Variants in YES1 observed in about 807,000 individuals in gnomAD.
YES1 encodes tyrosine-protein kinase Yes.
YES1 carries 39 observed loss-of-function variants against 70.4 expected under a neutral mutation model. That is an observed-to-expected ratio of 0.55 (90% CI 0.43 to 0.72). The LOEUF is 0.72. Among genes scored for constraint, YES1 ranks in the 30% least tolerant of loss-of-function variants. The pLI is 0.00. For missense variants in YES1, 495 were observed against 644.8 expected (o/e 0.77, Z 2.52); for synonymous variants, 198 against 218.6 (o/e 0.91, Z 0.83).
Position 751,777 on chromosome 18 carries a change from T to G in YES1, c.299A>C (p.Tyr100Ser), listed in dbSNP as rs746473585. Residue 100 changes from tyrosine (Y) to serine (S), a missense_variant, in exon 3 of 12, where the codon TAT becomes TCT. By Grantham distance (144) the Tyr-to-Ser change is moderately radical. Around this residue, in one of 2 missense-constraint regions of YES1, gnomAD observed 385 missense variants for 540.9 expected, o/e 0.71. Coordinates refer to ENST00000314574, the MANE Select transcript of YES1 (RefSeq NM_005433.4). ...TGGVTIFVAL[Y>S]DYEARTTEDL... ...TTCTGTAGTTCTAGCTTCATAATCATATAAGGCCACAAATATAGTAACACC... is the reference window on the plus strand; with the variant it reads ...TTCTGTAGTTCTAGCTTCATAATCAGATAAGGCCACAAATATAGTAACACC... 2 of 1,605,018 alleles carry G rather than the reference T, an allele frequency of 1.2e-6. No individual in the cohort carries two copies. Among genetic ancestry groups the G allele is most frequent in the Admixed American group, 3.3e-5 (2 of 59,806 alleles).
chr18:726,373 T>A (rs1261187711), intron 11 of YES1, among the ~76,000 whole-genome samples: 12 of 144,204 alleles, frequency 8.3e-5, no homozygotes, highest in Middle Eastern at 4.4e-3. Context: ...TGCAGTGAGC[T>A]GAGATCGCAC....
chr18:799,766 T>C (rs534460466), intron 1 of YES1, among the ~76,000 whole-genome samples: 1 of 152,162 alleles, frequency 6.6e-6, no homozygotes, highest in East Asian at 1.9e-4. Context: ...CTGGGCATGG[T>C]GGCATACACC....
rs531122724 is a variant in YES1 at position 767,682 on chromosome 18, T to C, written c.-8-10847A>G. ...TTTACTGTGTCTTGAAATTATATAATATAAAGCCTCCAGTTTTTTCATTTT... is the reference window on the plus strand; with the variant it reads ...TTTACTGTGTCTTGAAATTATATAACATAAAGCCTCCAGTTTTTTCATTTT... On this transcript the variant is annotated intron_variant, in intron 1 of 11. Coordinates refer to ENST00000314574, the MANE Select transcript of YES1 (RefSeq NM_005433.4). Among the ~76,000 whole-genome samples the C allele has an allele frequency of 3.3e-5, 5 of 152,230 alleles. No homozygotes were observed. In the East Asian group the frequency reaches 9.7e-4, roughly 29 times the overall value.
At chr18:781,556 T>C (rs1279305758) in intron 1 of YES1, among the ~76,000 whole-genome samples, 1 of 152,182 alleles carries the variant, frequency 6.6e-6, no homozygotes, top group East Asian at 1.9e-4. Context: ...TCTATCCTTC[T>C]CTGAGCTACA....
intron 1 of YES1, among the ~76,000 whole-genome samples, chr18:762,467 C>A (rs997410239): frequency 6.6e-6 from 1 of 152,094 alleles, no homozygotes; most frequent in African/African-American, 2.4e-5. Context: ...CAAACCTGCA[C>A]GTGCACCCCT....
At chr18:796,667 A>G (rs1004852037) in intron 1 of YES1, among the ~76,000 whole-genome samples, 1 of 152,280 alleles carries the variant, frequency 6.6e-6, no homozygotes, top group African/African-American at 2.4e-5. Context: ...CTGAGGCAGG[A>G]GAATCACTTG....
rs75634798 is a variant in YES1, at chr18:734,029, A to C, written c.1292-1064T>G. Among the ~76,000 whole-genome samples the C allele has an allele frequency of 2.0e-4, 30 of 152,312 alleles. No homozygotes were observed. In the East Asian group the frequency reaches 5.4e-3, roughly 27 times the overall value. ...CACAGTGGCTCACGCCTATAATCCC[A>C]GCAATTTGAGAGGCCGAGGTGGGCA... On this transcript the variant is annotated intron_variant, in intron 10 of 11. Transcript: ENST00000314574.
intron 1 of YES1, among the ~76,000 whole-genome samples, chr18:761,324 T>G (rs1263038654): frequency 6.6e-6 from 1 of 151,932 alleles, no homozygotes; most frequent in Non-Finnish European, 1.5e-5. Context: ...ATCCAAAGTC[T>G]AAATATCAAG....
intron 1 of YES1, among the ~76,000 whole-genome samples, chr18:803,672 G>A (rs79416929): frequency 0.057 from 8,645 of 152,154 alleles, 337 homozygotes; most frequent in East Asian, 0.12. Context: ...CTCCTAACAG[G>A]GAACTCAAAA....
In YES1 at chr18:759,714, T is replaced by C. The variant is rs144072971; in HGVS notation, c.-8-2879A>G. On this transcript the variant is annotated intron_variant, in intron 1 of 11. Coordinates refer to ENST00000314574, the MANE Select transcript of YES1 (RefSeq NM_005433.4). ...GAGACAATTTATTTATTTCTTTTTT[T>C]CTTTTATTATTATTATACTCTAAGG... Among the ~76,000 whole-genome samples, 660 of 152,278 alleles carry C rather than the reference T, an allele frequency of 4.3e-3. 3 individuals carry two copies. Among genetic ancestry groups the C allele is most frequent in the African/African-American group, 0.015 (616 of 41,544 alleles).
chr18:779,355 G>A (rs13313625), intron 1 of YES1, among the ~76,000 whole-genome samples: 33 of 148,802 alleles, frequency 2.2e-4, no homozygotes, highest in African/African-American at 8.2e-4. Flanking sequence ...GGTAAGTTAT[G>A]ATCGCACCAC....
chr18:797,562 T>C (rs548583422), intron 1 of YES1, among the ~76,000 whole-genome samples: 13 of 152,328 alleles, frequency 8.5e-5, no homozygotes, highest in African/African-American at 3.1e-4. Context: ...AAAGTACCAC[T>C]GACAATGACC....
intron 1 of YES1, among the ~76,000 whole-genome samples, chr18:762,645 A>G (rs540243914): frequency 3.3e-4 from 51 of 152,314 alleles, no homozygotes; most frequent in Non-Finnish European, 6.6e-4. Context: ...AAAAAACTAT[A>G]TACTGGGTAC....
At chr18:788,834 G>A (rs1298084575) in intron 1 of YES1, among the ~76,000 whole-genome samples, 1 of 152,166 alleles carries the variant, frequency 6.6e-6, no homozygotes, top group African/African-American at 2.4e-5. Context: ...GCTGAGGCAG[G>A]AGAATCACTT....
intron 1 of YES1, among the ~76,000 whole-genome samples, chr18:807,295 T>C (rs992554350): frequency 6.6e-6 from 1 of 150,658 alleles, no homozygotes; most frequent in Admixed American, 6.6e-5. Context: ...GATCGTGCCA[T>C]TGCACACCAG....
rs71174290 is a variant in YES1 at position 787,080 on chromosome 18, CTTTTTTTTTTTTTTTTTT to C, written c.-9+25016_-9+25033del. On this transcript the variant is annotated intron_variant, in intron 1 of 11. Transcript: ENST00000314574. The stretch of plus-strand genomic sequence containing the variant: ...TTTAAAAAACTGTGATACATACTGT[CTTTTTTTTTTTTTTTTTT>C]TTTTTTTTTTTTTTTTGAGACAGAG... Among the ~76,000 whole-genome samples the C allele has an allele frequency of 4.9e-4, 17 of 34,740 alleles. 1 individual carries two copies. Among genetic ancestry groups the C allele is most frequent in the Non-Finnish European group, 7.5e-4 (15 of 20,022 alleles). 22.8% of individuals were successfully genotyped at this position (34,740 alleles called of 152,430 possible). A position where few individuals can be genotyped will look rare whatever the true frequency, so the allele number is the denominator to read the frequency against.
rs1039353981 is a variant in YES1, at chr18:752,083, ACT to A, written c.272-281_272-280del. Reference sequence around the variant, plus strand: ...ACTACTGTATTCTACAAATTATAAAACTCTGTAGACTTGGAGAAACAAATTTA... The same window carrying A: ...ACTACTGTATTCTACAAATTATAAAACTGTAGACTTGGAGAAACAAATTTA... On this transcript the variant is annotated intron_variant, in intron 2 of 11. Coordinates refer to ENST00000314574, the MANE Select transcript of YES1 (RefSeq NM_005433.4). Among the ~76,000 whole-genome samples, 72 of 152,118 alleles carry A rather than the reference ACT, an allele frequency of 4.7e-4. 1 individual carries two copies. The highest frequency in any genetic ancestry group is 1.5e-3 in the African/African-American group (63 of 41,496).
intron 1 of YES1, among the ~76,000 whole-genome samples, chr18:805,763 T>G (rs1190424015): frequency 6.6e-6 from 1 of 152,222 alleles, no homozygotes; most frequent in African/African-American, 2.4e-5. Context: ...AGAACAAAAG[T>G]TAGAAGTCAA....
chr18:757,482 G>A (rs1314643482), intron 1 of YES1, among the ~76,000 whole-genome samples: 29 of 138,098 alleles, frequency 2.1e-4, no homozygotes, highest in African/African-American at 5.8e-4. Flanking sequence ...CAGCCTGGGC[G>A]ACAGAGCGAG....
Sources: gnomAD v4.1 joint callset for allele counts (sites outside exome capture counted in the v4.1 genomes callset) on GRCh38, gnomAD v4.1.1 for gene constraint, gnomAD v4.1.1 regional missense constraint, MANE v1.5 for transcripts, NCBI Gene and HGNC (gene_info 2026-07-23, HGNC 2026-07-21) for gene names.